CENPN: variants seen among roughly 807,000 people sequenced by gnomAD.
The protein encoded by CENPN is interphase centromere complex protein 32.
In CENPN, 36 loss-of-function variants were observed where a neutral mutation model predicts 48.6. That is an observed-to-expected ratio of 0.74 (90% confidence interval 0.57 to 0.98). The LOEUF (loss-of-function observed/expected upper bound fraction) is 0.98. CENPN is among the 50% of genes least tolerant of loss of function. The pLI is 0.00. For synonymous variants in CENPN, 166 were observed against 135.2 expected (o/e 1.23, Z -1.58); for missense variants, 439 against 399.2 (o/e 1.10, Z -0.85).
downstream of CENPN, chr16:81,032,589 A>G (rs755563563): frequency 1.9e-6 from 3 of 1,610,878 alleles, no homozygotes. Context: ...GCAGGATCCA[A>G]AAGCTGCTCT....
intron 6 of CENPN, among the ~76,000 whole-genome samples, chr16:81,021,117 C>T (rs1247706290): frequency 6.6e-6 from 1 of 151,466 alleles, no homozygotes; most frequent in East Asian, 1.9e-4. Flanking sequence ...ATTAACATAA[C>T]ATTTCCACGT....
At chr16:81,019,525 A>C (rs1218188797) in intron 5 of CENPN, among the ~76,000 whole-genome samples, 1 of 152,034 alleles carries the variant, frequency 6.6e-6, no homozygotes, top group African/African-American at 2.4e-5. Flanking sequence ...GCCTAATTAC[A>C]TAGAAATCTT....
chr16:81,021,493 G>T (rs547772322), intron 6 of CENPN, among the ~76,000 whole-genome samples: 4 of 152,278 alleles, frequency 2.6e-5, no homozygotes, highest in Middle Eastern at 3.4e-3. Context: ...ACAGCAGAGT[G>T]GGGTGGAGGT....
intron 8 of CENPN, among the ~76,000 whole-genome samples, chr16:81,026,171 A>G (rs12930668): frequency 4.8e-5 from 7 of 145,766 alleles, no homozygotes; most frequent in African/African-American, 1.0e-4. Context: ...ATATATGTGT[A>G]TATATATGTG....
At chr16:81,026,689 A>AG (rs1286657006) in intron 9 of CENPN, 51 bp downstream of exon 9, 2 of 924,366 alleles carry the variant, frequency 2.2e-6, no homozygotes, top group Admixed American at 4.7e-5. Context: ...TTGTTTAAAA[A>AG]GAACAAAAAC....
rs751903877 is a variant in CENPN, at chr16:81,012,123, A to G, written c.171+13A>G. The G allele has an allele frequency of 2.0e-5, 33 of 1,612,668 alleles. No homozygotes were observed. Among genetic ancestry groups the G allele is most frequent in the Non-Finnish European group, 2.6e-5 (31 of 1,178,956 alleles). On this transcript the variant is annotated intron_variant, in intron 2 of 10. Coordinates refer to ENST00000305850, the MANE Select transcript of CENPN (RefSeq NM_001100624.3). ...CCATCTGTGTGAGGTAACAGTGTTA[A>G]AAATGATGAGCCTTGAACAGAGTGC...
intron 9 of CENPN, 48 bp downstream of exon 9, chr16:81,026,686 A>C: frequency 2.2e-6 from 2 of 922,650 alleles, no homozygotes; most frequent in Non-Finnish European, 3.3e-6. Flanking sequence ...ACATTGTTTA[A>C]AAAGAACAAA....
rs1169178700 is a variant in CENPN at position 81,028,819 on chromosome 16, C to T, written c.*168C>T. On this transcript the variant is annotated 3_prime_UTR_variant, in exon 11 of 11. Transcript: ENST00000305850. ...TTGTTGGGACTGATTCATTCCTCCACGATATGCCTCCTCTCTCTGATATCC... is the reference window on the plus strand; with the variant it reads ...TTGTTGGGACTGATTCATTCCTCCATGATATGCCTCCTCTCTCTGATATCC... The T allele has an allele frequency of 9.3e-6, 13 of 1,392,550 alleles. No individual in the cohort carries two copies. Among genetic ancestry groups the T allele is most frequent in the East Asian group, 5.4e-5 (2 of 36,702 alleles). 86.3% of individuals were successfully genotyped at this position (1,392,550 alleles called of 1,614,324 possible).
chr16:81,025,008 G>C (rs918573894), intron 8 of CENPN, among the ~76,000 whole-genome samples: 2 of 152,172 alleles, frequency 1.3e-5, no homozygotes, highest in African/African-American at 4.8e-5. Flanking sequence ...AAAAACAAAA[G>C]TTAGCTAATA....
intron 8 of CENPN, among the ~76,000 whole-genome samples, chr16:81,026,173 A>ATATATGTG (rs1970480076): frequency 6.8e-6 from 1 of 147,064 alleles, no homozygotes; most frequent in African/African-American, 2.5e-5. Context: ...ATATGTGTAT[A>ATATATGTG]TATATGTGTG....
At position 81,030,748 on chromosome 16, in the gene CENPN, CA is replaced by C. The variant is rs1170030463; in HGVS notation, c.*2103del. Reference sequence around the variant, plus strand: ...TGGGTGACAGAGTGAAACTCTGCCTCAAAAAATAAAATAAAGGCCAGGCATG... The same window carrying C: ...TGGGTGACAGAGTGAAACTCTGCCTCAAAAATAAAATAAAGGCCAGGCATG... On this transcript the variant is annotated 3_prime_UTR_variant, in exon 11 of 11. Coordinates refer to ENST00000305850, the MANE Select transcript of CENPN (RefSeq NM_001100624.3). The C allele has an allele frequency of 3.4e-5, 5 of 148,036 alleles. No homozygotes were observed. The highest frequency in any genetic ancestry group is 3.4e-4 in the Admixed American group (5 of 14,894). The allele number at this position is 148,036 out of a possible 1,614,324, so 9.2% of individuals were successfully genotyped here. A position where few individuals can be genotyped will look rare whatever the true frequency, so the allele number is the denominator to read the frequency against.
At chr16:81,016,624 GT>G (rs1475710171) in intron 3 of CENPN, among the ~76,000 whole-genome samples, 1 of 152,114 alleles carries the variant, frequency 6.6e-6, no homozygotes, top group Non-Finnish European at 1.5e-5. Context: ...TTAGCCAGGC[GT>G]TGTGGCAGGC....
chr16:81,009,475 G>A (rs1969648885), intron 1 of CENPN, among the ~76,000 whole-genome samples: 1 of 152,164 alleles, frequency 6.6e-6, no homozygotes, highest in African/African-American at 2.4e-5. Flanking sequence ...GCAACACGGG[G>A]CCTTGTAGAC....
chr16:81,016,131 C>G (rs1029596656), intron 3 of CENPN, among the ~76,000 whole-genome samples: 5 of 152,124 alleles, frequency 3.3e-5, no homozygotes, highest in African/African-American at 1.2e-4. Context: ...CTTCCTAGGT[C>G]CATTTCTACT....
chr16:81,030,031 C>T lies in CENPN; in HGVS notation c.*1380C>T, dbSNP rs1970700149. Among the ~76,000 whole-genome samples the T allele has an allele frequency of 6.6e-6, 1 of 152,180 alleles. No individual in the cohort carries two copies. Among genetic ancestry groups the T allele is most frequent in the Non-Finnish European group, 1.5e-5 (1 of 68,038 alleles). ...ATGGCGGCAGGCAAGAGAGCTTGTG[C>T]AGGGAAACTCCCATTTATAAAACCA... is the stretch of plus-strand genomic sequence containing the variant. On this transcript the variant is annotated 3_prime_UTR_variant, in exon 11 of 11. Coordinates refer to ENST00000305850, the MANE Select transcript of CENPN (RefSeq NM_001100624.3).
At chr16:81,008,382 G>GT (rs1969570302) in intron 1 of CENPN, among the ~76,000 whole-genome samples, 2 of 151,828 alleles carry the variant, frequency 1.3e-5, no homozygotes, top group African/African-American at 2.4e-5. Flanking sequence ...TTTGTTTTTT[G>GT]TTTTTTTGAG....
In CENPN at chr16:81,012,064, G is replaced by A. The variant is rs144532651; in HGVS notation, c.125G>A (p.Arg42Gln). Reference sequence around the variant, plus strand: ...AATCAACTGCAGACTGTAAATTTCCGACAGAGAAAGGAATCTGTAGTTCAG... The same window carrying A: ...AATCAACTGCAGACTGTAAATTTCCAACAGAGAAAGGAATCTGTAGTTCAG... ...SENQLQTVNFRQRKESVVQHL... is the reference protein window; with the variant it reads ...SENQLQTVNFQQRKESVVQHL... The change falls in exon 2 of 11, where the codon CGA becomes CAA. Residue 42 changes from arginine to glutamine, a missense_variant. By Grantham distance (43) the Arg-to-Gln change is conservative. Transcript: ENST00000305850. 1.9e-4 allele frequency: 313 copies of A among 1,614,110 alleles called. 2 individuals are homozygous for A. The highest frequency in any genetic ancestry group is 5.0e-4 in the Admixed American group (30 of 60,010).
intron 6 of CENPN, among the ~76,000 whole-genome samples, chr16:81,021,093 A>T (rs1043729419): frequency 2.8e-5 from 3 of 106,358 alleles, no homozygotes; most frequent in Non-Finnish European, 6.7e-5. Context: ...ACTCCGTCTT[A>T]AAAAAAAAAA....
chr16:81,017,340 C>G lies in CENPN; in HGVS notation c.232C>G (p.Gln78Glu), dbSNP rs1818500720. The G allele has an allele frequency of 6.3e-7, 1 of 1,597,136 alleles. No homozygotes were observed. Among genetic ancestry groups the G allele is most frequent in the Non-Finnish European group, 8.6e-7 (1 of 1,165,182 alleles). Residue 78 changes from glutamine (Q) to glutamate (E), a missense_variant, in exon 4 of 11, where the codon CAG becomes GAG. Coordinates refer to ENST00000305850, the MANE Select transcript of CENPN (RefSeq NM_001100624.3). ...LLDIIYMQFH[Q>E]HQKVWEVFQM... ...CCCTCTCTCAGATATGCAATTTCAT[C>G]AGCACCAGAAAGTTTGGGAAGTTTT...
Sources: gnomAD v4.1 joint callset for allele counts (sites outside exome capture counted in the v4.1 genomes callset) on GRCh38, gnomAD v4.1.1 for gene constraint, MANE v1.5 for transcripts, NCBI Gene and HGNC (gene_info 2026-07-23, HGNC 2026-07-21) for gene names.